Variants in NUMB observed in about 807,000 individuals in gnomAD.
NUMB encodes protein numb homolog.
Under a neutral mutation model 59.7 loss-of-function variants are expected in NUMB, and 29 were observed. The ratio of observed to expected loss-of-function variants is 0.49; its 90% CI spans 0.36 to 0.66. The LOEUF is 0.66. Ranked by LOEUF, NUMB falls within the 30% of genes least tolerant of loss-of-function variation. The probability of loss-of-function intolerance (pLI) is 0.00; values close to 1 mark genes in which losing one functional copy is unlikely to be tolerated. For synonymous variants in NUMB, 288 were observed against 288.2 expected (o/e 1.00, Z 0.01); for missense variants, 723 against 822.0 (o/e 0.88, Z 1.47).
intron 2 of NUMB, among the ~76,000 whole-genome samples, chr14:73,397,191 G>A (rs775028320): frequency 6.6e-6 from 1 of 152,060 alleles, no homozygotes; most frequent in Non-Finnish European, 1.5e-5. Context: ...CCAGGTTTCC[G>A]ATTCAGTAGG....
At chr14:73,295,045 A>ATAAGGCAC (rs1264342367) in intron 7 of NUMB, among the ~76,000 whole-genome samples, 2 of 131,120 alleles carry the variant, frequency 1.5e-5, no homozygotes, top group Non-Finnish European at 3.2e-5. Context: ...GGGTGACAGT[A>ATAAGGCAC]TAAGGCACTG....
At chr14:73,380,212 C>A (rs1895162013) in intron 2 of NUMB, among the ~76,000 whole-genome samples, 1 of 152,092 alleles carries the variant, frequency 6.6e-6, no homozygotes, top group African/African-American at 2.4e-5. Context: ...GACCTCTGCA[C>A]ATGGTAGGAT....
At chr14:73,387,627 G>A (rs1054524650) in intron 2 of NUMB, among the ~76,000 whole-genome samples, 3 of 151,772 alleles carry the variant, frequency 2.0e-5, no homozygotes, top group Admixed American at 1.3e-4. Flanking sequence ...AGAGACCTCC[G>A]GTGACTGAGG....
chr14:73,424,641 G>A (rs1258799792), intron 1 of NUMB, among the ~76,000 whole-genome samples: 3 of 152,136 alleles, frequency 2.0e-5, no homozygotes, highest in Non-Finnish European at 4.4e-5. Flanking sequence ...TATTTCAGCT[G>A]AAGAAACAAG....
intron 6 of NUMB, among the ~76,000 whole-genome samples, chr14:73,315,717 A>G (rs898393284): frequency 8.5e-5 from 13 of 152,160 alleles, no homozygotes; most frequent in African/African-American, 2.9e-4. Context: ...TTTTTTACTC[A>G]AATATTTCTT....
chr14:73,381,855 A>G (rs1895260661), intron 2 of NUMB, among the ~76,000 whole-genome samples: 1 of 152,136 alleles, frequency 6.6e-6, no homozygotes. Flanking sequence ...ACAAATAAAT[A>G]ATGCAAGTAA....
At chr14:73,382,395 C>T (rs943065315) in intron 2 of NUMB, among the ~76,000 whole-genome samples, 2 of 151,946 alleles carry the variant, frequency 1.3e-5, no homozygotes, top group African/African-American at 4.8e-5. Flanking sequence ...GATCCACCTG[C>T]CTCAGCCTCC....
In NUMB at chr14:73,411,566, G is replaced by GTT. The variant is rs569508159; in HGVS notation, c.-232-1499_-232-1498insAA. Among the ~76,000 whole-genome samples, 30 of 152,294 alleles carry GTT rather than the reference G, an allele frequency of 2.0e-4. 1 individual carries two copies. The South Asian group carries it at 6.2e-3, about 32-fold the overall frequency. ...GTTTAAAACACTATAAAACTCAGTA[G>GTT]TGCTTTTCTTCACTAGCTTCTAAGC... On this transcript the variant is annotated intron_variant, in intron 1 of 12. Transcript: ENST00000555238.
At chr14:73,418,797 A>T (rs1357513951) in intron 1 of NUMB, among the ~76,000 whole-genome samples, 1 of 152,074 alleles carries the variant, frequency 6.6e-6, no homozygotes, top group Non-Finnish European at 1.5e-5. Context: ...ACTTTTATGT[A>T]TATTTTACCA....
chr14:73,414,731 G>A (rs895174758), intron 1 of NUMB, among the ~76,000 whole-genome samples: 5 of 151,850 alleles, frequency 3.3e-5, no homozygotes, highest in South Asian at 4.2e-4. Flanking sequence ...CGGGGGGGGC[G>A]GGTTTTGAGA....
intron 8 of NUMB, among the ~76,000 whole-genome samples, chr14:73,290,639 C>T (rs1441012488): frequency 6.6e-6 from 1 of 152,238 alleles, no homozygotes; most frequent in African/African-American, 2.4e-5. Flanking sequence ...GTAACCTTCA[C>T]GAATGGCTAT....
At position 73,275,799 on chromosome 14, in the gene NUMB, C is replaced by T. The variant is rs1479577533; in HGVS notation, c.*779G>A. The T allele has an allele frequency of 6.6e-6, 1 of 152,550 alleles. No individual in the cohort carries two copies. The highest frequency in any genetic ancestry group is 2.4e-5 in the African/African-American group (1 of 41,428). 9.4% of individuals were successfully genotyped at this position (152,550 alleles called of 1,614,324 possible). A position where few individuals can be genotyped will look rare whatever the true frequency, so the allele number is the denominator to read the frequency against. ...CTTACAATGAATGACTGACAGAAAA[C>T]AAGCTAGGGATCCTGTCTGCAGCTT... On this transcript the variant is annotated 3_prime_UTR_variant, in exon 13 of 13. Coordinates refer to ENST00000555238, the MANE Select transcript of NUMB (RefSeq NM_001005743.2).
intron 1 of NUMB, among the ~76,000 whole-genome samples, chr14:73,428,791 G>A (rs1247034548): frequency 6.6e-6 from 1 of 152,102 alleles, no homozygotes; most frequent in Non-Finnish European, 1.5e-5. Flanking sequence ...CAGCCTGGGA[G>A]ACAAAGTGAG....
At chr14:73,291,190 C>T (rs177371) in intron 8 of NUMB, among the ~76,000 whole-genome samples, 11,370 of 150,494 alleles carry the variant, frequency 0.076, 1,025 homozygotes, top group African/African-American at 0.21. Flanking sequence ...AAGCGATTCT[C>T]GTGCCTCAGC....
rs113192203 is a variant in NUMB, at chr14:73,312,812, T to TA, written c.234+3577dup. On this transcript the variant is annotated intron_variant, in intron 6 of 12. Transcript: ENST00000555238. ...CTGCTTCTGATATTTCTTTTTACGT[T>TA]AAAAAAAAATACAGTGTAAGTTATC... 4.7e-3 allele frequency among the ~76,000 whole-genome samples: 715 copies of TA among 150,766 alleles called. 4 individuals are homozygous for TA. The highest frequency in any genetic ancestry group is 0.017 in the African/African-American group (683 of 41,216).
intron 2 of NUMB, among the ~76,000 whole-genome samples, chr14:73,390,230 T>C (rs1183267541): frequency 6.6e-6 from 1 of 152,162 alleles, no homozygotes; most frequent in Admixed American, 6.5e-5. Flanking sequence ...TAGATTATGG[T>C]ATATCTAAAC....
chr14:73,420,836 T>G (rs1418113500), intron 1 of NUMB, among the ~76,000 whole-genome samples: 1 of 152,054 alleles, frequency 6.6e-6, no homozygotes, highest in Non-Finnish European at 1.5e-5. Context: ...TGAATATGGC[T>G]GCACTCCAGC....
chr14:73,277,386 A>G, intron 12 of NUMB, 93 bp from the exon 13 acceptor site: 1 of 966,842 alleles, frequency 1.0e-6, no homozygotes. Context: ...TAACATGTAC[A>G]ACATGTCCCC....
chr14:73,331,051 C>T (rs1032909366), intron 4 of NUMB, among the ~76,000 whole-genome samples: 5 of 152,134 alleles, frequency 3.3e-5, no homozygotes, highest in Non-Finnish European at 5.9e-5. Context: ...TGATTTTCCA[C>T]GCATATATTT....
Sources: gnomAD v4.1 joint callset for allele counts (sites outside exome capture counted in the v4.1 genomes callset) on GRCh38, gnomAD v4.1.1 for gene constraint, MANE v1.5 for transcripts, NCBI Gene and HGNC (gene_info 2026-07-23, HGNC 2026-07-21) for gene names.